The following OSBPL7 variants were observed in gnomAD, a reference collection of about 807,000 sequenced individuals.
OSBPL7 encodes the protein oxysterol binding protein like 7.
A neutral mutation model predicts 115.8 loss-of-function variants in OSBPL7; 66 were observed. The observed-to-expected ratio is 0.57, with a 90% confidence interval of 0.47 to 0.70. OSBPL7 has a LOEUF of 0.70. OSBPL7 is among the 30% of genes least tolerant of loss of function. The pLI is 0.00. For synonymous variants in OSBPL7, 441 were observed against 439.2 expected (o/e 1.00, Z -0.05); for missense variants, 902 against 1,125.5 (o/e 0.80, Z 2.84).
Position 47,807,530 on chromosome 17 carries a change from A to T in OSBPL7, c.*761T>A, listed in dbSNP as rs1276387197. 6.6e-6 allele frequency: 1 copy of T among 152,588 alleles called. No individual in the cohort carries two copies. The highest frequency in any genetic ancestry group is 6.5e-5 in the Admixed American group (1 of 15,278). The allele number at this position is 152,588 out of a possible 1,614,324, so 9.5% of individuals were successfully genotyped here. ...GCCTGCAAGCAGGGCACAGGCGCAC[A>T]CGCATACACTCTCCTACATGAACTT... On this transcript the variant is annotated 3_prime_UTR_variant, in exon 23 of 23. Coordinates refer to ENST00000007414, the MANE Select transcript of OSBPL7 (RefSeq NM_145798.3).
intron 1 of OSBPL7, chr17:47,820,721 C>T (rs1381123945): frequency 6.2e-6 from 1 of 161,408 alleles, no homozygotes; most frequent in African/African-American, 2.4e-5. Context: ...GAAGAGGCTC[C>T]AAGAAGAGAC....
chr17:47,816,392 A>T lies in OSBPL7; in HGVS notation c.1019T>A (p.Met340Lys). 6.6e-7 allele frequency: 1 copy of T among 1,512,684 alleles called. No homozygotes were observed. The highest frequency in any genetic ancestry group is 8.9e-7 in the Non-Finnish European group (1 of 1,127,970). 93.7% of individuals were successfully genotyped at this position (1,512,684 alleles called of 1,614,324 possible). The change falls in exon 11 of 23, where the codon ATG becomes AAG. Residue 340 changes from methionine (M) to lysine (K), a missense_variant. This residue lies in a region of OSBPL7 where 667 missense variants were observed against 788.7 expected (regional missense o/e 0.85). Transcript: ENST00000007414. This position sits in a 1 kb window ranked among gnomAD's most constrained non-coding sequence, Gnocchi z 5.8. ...DMHQGSELSR[M>K]GVSEASTGQR... The stretch of plus-strand genomic sequence containing the variant: ...ACCCTGTCCCCCAGGCCTCACCCCC[A>T]TTCTTGACAACTCTGAGCCCTGGTG...
intron 19 of OSBPL7, 46 bp downstream of exon 19, chr17:47,809,288 A>T (rs2143518814): frequency 6.2e-7 from 1 of 1,611,344 alleles, no homozygotes; most frequent in Non-Finnish European, 8.5e-7. Flanking sequence ...CTCCAGAGAC[A>T]GAGGCTGCCG....
Position 47,808,288 on chromosome 17 carries a change from G to A in OSBPL7, c.*3C>T. ...CCAGAGCCTCCTGCCCCCGGGGCCA[G>A]GGCTACCAGAGCACGGCCCCATCCA... is the stretch of plus-strand genomic sequence containing the variant. On this transcript the variant is annotated 3_prime_UTR_variant, in exon 23 of 23. Coordinates refer to ENST00000007414, the MANE Select transcript of OSBPL7 (RefSeq NM_145798.3). The surrounding 1 kb of genome is among the most constrained non-coding windows in gnomAD (Gnocchi z 6.1). 6.2e-7 allele frequency: 1 copy of A among 1,606,918 alleles called. No individual in the cohort carries two copies. The highest frequency in any genetic ancestry group is 8.5e-7 in the Non-Finnish European group (1 of 1,174,248).
In OSBPL7 at chr17:47,815,206, C is replaced by T. The variant is rs779018287; in HGVS notation, c.1257+9G>A. On this transcript the variant is annotated intron_variant, in intron 13 of 22. Transcript: ENST00000007414. Reference sequence around the variant, plus strand: ...CCCCGCCTCACTGCCAGCTTCTCTCCTCCCTCACCTCATTCTCAGAAGAGC... The same window carrying T: ...CCCCGCCTCACTGCCAGCTTCTCTCTTCCCTCACCTCATTCTCAGAAGAGC... 10 of 1,607,822 alleles carry T rather than the reference C, an allele frequency of 6.2e-6. No individual in the cohort carries two copies. The East Asian group carries it at 1.3e-4, about 22-fold the overall frequency.
rs145879269 is a variant in OSBPL7, at chr17:47,815,270, G to T, written c.1202C>A (p.Thr401Lys). The T allele has an allele frequency of 6.2e-6, 10 of 1,613,850 alleles. No individual in the cohort carries two copies. Among genetic ancestry groups the T allele is most frequent in the South Asian group, 1.1e-5 (1 of 91,068 alleles). ...AACCTCGCAGGCATCGAAGAACTCC[G>T]TGTGGGAATCAGCAAGGGACAGGAT... ...TSILSLADSHTEFFDACEVLL... is the reference protein window; with the variant it reads ...TSILSLADSHKEFFDACEVLL... The change falls in exon 13 of 23, where the codon ACG (threonine) becomes AAG (lysine). Residue 401 changes from threonine (T) to lysine (K), a missense_variant. Transcript: ENST00000007414.
Position 47,808,560 on chromosome 17 carries a change from C to T in OSBPL7, c.2398G>A (p.Val800Ile), listed in dbSNP as rs755376628. Residue 800 changes from valine to isoleucine, a missense_variant, in exon 22 of 23, where the codon GTA becomes ATA. Coordinates refer to ENST00000007414, the MANE Select transcript of OSBPL7 (RefSeq NM_145798.3). The surrounding 1 kb of genome is among the most constrained non-coding windows in gnomAD (Gnocchi z 6.1). ...RRKVMEENNI[V>I]HQARFFRRQT... The stretch of plus-strand genomic sequence containing the variant: ...CACCTGAAGAAGCGAGCCTGGTGTA[C>T]GATGTTGTTTTCCTCCATGACTTTG... The T allele has an allele frequency of 4.0e-5, 65 of 1,614,088 alleles. 1 individual carries two copies. The highest frequency in any genetic ancestry group is 2.9e-4 in the South Asian group (26 of 91,092).
Position 47,820,320 on chromosome 17 carries a change from G to A in OSBPL7, c.-42C>T, listed in dbSNP as rs769809296. The A allele has an allele frequency of 1.9e-6, 3 of 1,590,476 alleles. No individual in the cohort carries two copies. The highest frequency in any genetic ancestry group is 3.4e-5 in the Admixed American group (2 of 58,234). On this transcript the variant is annotated 5_prime_UTR_variant, in exon 2 of 23. Transcript: ENST00000007414. ...ACTCCCTGCTGGGGATGTAGAGCAG[G>A]GAGCAGGGTGGAAGGGGAAGGATGT...
chr17:47,810,572 G>C (rs774380541), intron 18 of OSBPL7, 22 bp downstream of exon 18: 1 of 1,604,714 alleles, frequency 6.2e-7, no homozygotes, highest in South Asian at 1.1e-5. Flanking sequence ...TGGCCTGGCT[G>C]CTGAGAGTCT....
chr17:47,817,890 CCT>C (rs368151805), intron 7 of OSBPL7, among the ~76,000 whole-genome samples: 207 of 151,244 alleles, frequency 1.4e-3, no homozygotes, highest in African/African-American at 4.4e-3. Flanking sequence ...ATGTGCTCAC[CCT>C]CTCTCTCTCT....
chr17:47,809,664 A>G (rs2032975135), intron 18 of OSBPL7, among the ~76,000 whole-genome samples, 186 bp from the exon 19 acceptor site: 1 of 152,192 alleles, frequency 6.6e-6, no homozygotes, highest in Admixed American at 6.5e-5. Flanking sequence ...AACGTATTCA[A>G]CGAAAACATC....
chr17:47,821,230 G>A (rs1419728532), intron 1 of OSBPL7, among the ~76,000 whole-genome samples: 1 of 152,168 alleles, frequency 6.6e-6, no homozygotes, highest in Non-Finnish European at 1.5e-5. Context: ...GTGAGACGGG[G>A]GAGGGGACTG....
At chr17:47,819,895 T>C in intron 3 of OSBPL7, 76 bp downstream of exon 3, 2 of 1,606,340 alleles carry the variant, frequency 1.2e-6, no homozygotes, top group Non-Finnish European at 1.7e-6. Context: ...CAAACACCAT[T>C]GGACTGCCCA....
At position 47,808,616 on chromosome 17, in the gene OSBPL7, C is replaced by T. The variant is rs2032933299; in HGVS notation, c.2342G>A (p.Arg781Lys). 1.2e-6 allele frequency: 2 copies of T among 1,614,238 alleles called. No homozygotes were observed. Among genetic ancestry groups the T allele is most frequent in the Non-Finnish European group, 1.7e-6 (2 of 1,180,040 alleles). ...GTCTCGCTGCAGCTGCTCGATCCTTCTCTTCTGGGCCTCAGCGGCCTGTAT... is the reference window on the plus strand; with the variant it reads ...GTCTCGCTGCAGCTGCTCGATCCTTTTCTTCTGGGCCTCAGCGGCCTGTAT... ...GNIQAAEAQK[R>K]RIEQLQRDRR... is the part of the protein sequence containing the mutation. Residue 781 changes from arginine to lysine, a missense_variant, in exon 22 of 23, where the codon AGA becomes AAA. Around this residue, in one of 3 missense-constraint regions of OSBPL7, gnomAD observed 230 missense variants for 312.7 expected, o/e 0.74. Transcript: ENST00000007414. The surrounding 1 kb of genome is among the most constrained non-coding windows in gnomAD (Gnocchi z 6.1).
chr17:47,815,409 A>G, intron 12 of OSBPL7, 57 bp from the exon 13 acceptor site: 1 of 1,602,444 alleles, frequency 6.2e-7, no homozygotes, highest in Admixed American at 1.7e-5. Context: ...GGGATCAAGC[A>G]GGGCACCCGC....
Position 47,818,325 on chromosome 17 carries a change from C to G in OSBPL7, c.542G>C (p.Arg181Pro), listed in dbSNP as rs138224859. Residue 181 changes from arginine (R) to proline (P), a missense_variant, in exon 7 of 23, where the codon CGG (arginine) becomes CCG (proline). By Grantham distance (103) the Arg-to-Pro change is moderately radical (BLOSUM62 -2). Around this residue, in one of 3 missense-constraint regions of OSBPL7, gnomAD observed 667 missense variants for 788.7 expected, o/e 0.85. Transcript: ENST00000007414. ...TASALPGLGPREKVSSWLRDS... is the reference protein window; with the variant it reads ...TASALPGLGPPEKVSSWLRDS... ...CCTCAGCCAGGAAGACACTTTCTCC[C>G]GCGGTCCAAGCCCAGGTAGGGCTGA... is the stretch of plus-strand genomic sequence containing the variant. The G allele has an allele frequency of 6.2e-7, 1 of 1,614,126 alleles. No homozygotes were observed. The highest frequency in any genetic ancestry group is 8.5e-7 in the Non-Finnish European group (1 of 1,180,006).
chr17:47,816,167 G>C lies in OSBPL7; in HGVS notation c.1059C>G (p.His353Gln). 1.3e-6 allele frequency: 2 copies of C among 1,550,988 alleles called. No individual in the cohort carries two copies. Among genetic ancestry groups the C allele is most frequent in the Non-Finnish European group, 8.7e-7 (1 of 1,147,018 alleles). The change falls in exon 12 of 23, where the codon CAC (histidine) becomes CAG (glutamine). Residue 353 changes from histidine to glutamine, a missense_variant. By Grantham distance (24) the His-to-Gln change is conservative. This residue lies in a region of OSBPL7 where 667 missense variants were observed against 788.7 expected (regional missense o/e 0.85). Transcript: ENST00000007414. This position sits in a 1 kb window ranked among gnomAD's most constrained non-coding sequence, Gnocchi z 5.8. ...TGGTGTCGGAGGAGGTGGACAGTGAGTGGAGGCGCCTCTGGCCAGTGGAGG... is the reference window on the plus strand; with the variant it reads ...TGGTGTCGGAGGAGGTGGACAGTGACTGGAGGCGCCTCTGGCCAGTGGAGG... The part of the protein sequence containing the change: ...SEASTGQRRL[H>Q]SLSTSSDTTA...
Position 47,808,381 on chromosome 17 carries a change from G to A in OSBPL7, c.2439C>T (p.Ser813=), listed in dbSNP as rs534310676. 1.9e-5 allele frequency: 31 copies of A among 1,614,116 alleles called. No homozygotes were observed. The highest frequency in any genetic ancestry group is 6.7e-5 in the East Asian group (3 of 44,884). The part of the protein sequence containing the change: ...ARFFRRQTDS[S]GKEWWVTNNT... ...TGTTGGTCACCCACCACTCTTTCCC[G>A]CTGCTATCCGTCTGCCGCCTGGTGG... The change falls in exon 23 of 23, where the codon AGC becomes AGT. Residue 813 remains serine (S), a synonymous_variant. Transcript: ENST00000007414. This position sits in a 1 kb window ranked among gnomAD's most constrained non-coding sequence, Gnocchi z 6.1.
In OSBPL7 at chr17:47,817,313, G is replaced by A; in HGVS notation, c.645C>T (p.Leu215=). The part of the protein sequence containing the change: ...QGKLQELHRL[L]QSLESLHRIP... ...TTCGGTGCAGGGACTCCAGGCTCTG[G>A]AGGAGCCTGTGTAGTTCCTGGAGCT... The change falls in exon 8 of 23, where the codon CTC becomes CTT. Residue 215 remains leucine (L), a synonymous_variant. Coordinates refer to ENST00000007414, the MANE Select transcript of OSBPL7 (RefSeq NM_145798.3). 2 of 1,604,392 alleles carry A rather than the reference G, an allele frequency of 1.2e-6. No individual in the cohort carries two copies. The highest frequency in any genetic ancestry group is 1.7e-6 in the Non-Finnish European group (2 of 1,177,642).
Sources: gnomAD v4.1 joint callset for allele counts (sites outside exome capture counted in the v4.1 genomes callset) on GRCh38, gnomAD v4.1.1 for gene constraint, gnomAD v4.1.1 regional missense constraint, Gnocchi (gnomAD v3.1) non-coding constraint, MANE v1.5 for transcripts, NCBI Gene and HGNC (gene_info 2026-07-23, HGNC 2026-07-21) for gene names.